SAMTOR: variants seen among roughly 807,000 people sequenced by gnomAD.
SAMTOR encodes UPF0532 protein C7orf60.
the SAMTOR span, among the ~76,000 whole-genome samples, chr7:112,924,387 A>T: frequency 6.6e-6 from 1 of 152,158 alleles, no homozygotes; most frequent in Non-Finnish European, 1.5e-5. Context: ...CTTTCCATTA[A>T]TCCCAGTTAC....
the SAMTOR span, among the ~76,000 whole-genome samples, chr7:112,845,798 G>A: frequency 6.6e-6 from 1 of 152,162 alleles, no homozygotes; most frequent in African/African-American, 2.4e-5. Flanking sequence ...GTTCACTGCA[G>A]CACTATTGAC....
chr7:112,827,956 CCTT>C, the SAMTOR span, among the ~76,000 whole-genome samples: 2 of 152,102 alleles, frequency 1.3e-5, no homozygotes, highest in Admixed American at 1.3e-4. Flanking sequence ...CTCAAGCAGT[CCTT>C]CTGCATTGGC....
chr7:112,853,850 G>C, the SAMTOR span, among the ~76,000 whole-genome samples: 2 of 152,252 alleles, frequency 1.3e-5, no homozygotes, highest in East Asian at 3.9e-4. Flanking sequence ...TGAAATCAAT[G>C]ATCTAGGCCT....
chr7:112,907,898 T>C, the SAMTOR span, among the ~76,000 whole-genome samples: 1 of 151,730 alleles, frequency 6.6e-6, no homozygotes, highest in African/African-American at 2.4e-5. Flanking sequence ...TGCAAAATGA[T>C]ATAACCTCTA....
chr7:112,827,937 G>GA, the SAMTOR span, among the ~76,000 whole-genome samples: 1 of 151,972 alleles, frequency 6.6e-6, no homozygotes, highest in South Asian at 2.1e-4. Context: ...CTGGTCTCAA[G>GA]CTCCTGGGCT....
the SAMTOR span, among the ~76,000 whole-genome samples, chr7:112,862,458 C>A: frequency 6.6e-6 from 1 of 152,170 alleles, no homozygotes; most frequent in Non-Finnish European, 1.5e-5. Context: ...AGAATTTATT[C>A]ATTCACTCAA....
chr7:112,916,776 G>A, the SAMTOR span, among the ~76,000 whole-genome samples: 4 of 152,276 alleles, frequency 2.6e-5, no homozygotes, highest in East Asian at 3.9e-4. Flanking sequence ...GGGAAACGGC[G>A]CAACAGGAGA....
At chr7:112,939,452 C>A in the SAMTOR span, 85 of 1,374,640 alleles carry the variant, frequency 6.2e-5, no homozygotes, top group East Asian at 1.9e-3. Context: ...TCAGACCAGG[C>A]CCGGGAGAGC....
At chr7:112,902,436 A>C in the SAMTOR span, among the ~76,000 whole-genome samples, 167 of 109,884 alleles carry the variant, frequency 1.5e-3, 18 homozygotes, top group African/African-American at 6.0e-3. Context: ...AAACAAAAAA[A>C]AACAAAAAAA....
the SAMTOR span, among the ~76,000 whole-genome samples, chr7:112,916,672 G>A: frequency 6.6e-6 from 1 of 152,186 alleles, no homozygotes; most frequent in Non-Finnish European, 1.5e-5. Context: ...AAGGGGTCAG[G>A]GAGTTCCCTT....
At chr7:112,861,438 G>T in the SAMTOR span, among the ~76,000 whole-genome samples, 1 of 152,084 alleles carries the variant, frequency 6.6e-6, no homozygotes. Flanking sequence ...GCCCAGCCTG[G>T]TCAATACTGT....
chr7:112,886,784 C>T, the SAMTOR span, among the ~76,000 whole-genome samples: 28 of 152,184 alleles, frequency 1.8e-4, no homozygotes, highest in Non-Finnish European at 3.4e-4. Flanking sequence ...TCCCTGCCCC[C>T]ACACAGAGGC....
At chr7:112,879,720 G>C in the SAMTOR span, among the ~76,000 whole-genome samples, 1 of 152,128 alleles carries the variant, frequency 6.6e-6, no homozygotes, top group Non-Finnish European at 1.5e-5. Flanking sequence ...TTTTGATTCT[G>C]AATTTTCAGA....
chr7:112,901,424 C>T, the SAMTOR span, among the ~76,000 whole-genome samples: 1 of 152,170 alleles, frequency 6.6e-6, no homozygotes, highest in South Asian at 2.1e-4. Flanking sequence ...CCCATATAAC[C>T]CCCAGATGGG....
chr7:112,882,653 C>T, the SAMTOR span, among the ~76,000 whole-genome samples: 2 of 151,892 alleles, frequency 1.3e-5, no homozygotes, highest in East Asian at 1.9e-4. Context: ...CAAGCCACTG[C>T]ACTCCAGCCT....
At chr7:112,924,154 T>C in the SAMTOR span, among the ~76,000 whole-genome samples, 9 of 151,762 alleles carry the variant, frequency 5.9e-5, no homozygotes, top group East Asian at 1.8e-3. Flanking sequence ...GTAACTAACC[T>C]GCACATTGTG....
the SAMTOR span, among the ~76,000 whole-genome samples, chr7:112,914,694 TTTA>T: frequency 6.6e-6 from 1 of 152,184 alleles, no homozygotes; most frequent in East Asian, 1.9e-4. Flanking sequence ...TATACCATAA[TTTA>T]TTAATGAGTC....
At chr7:112,915,921 T>C in the SAMTOR span, among the ~76,000 whole-genome samples, 3 of 152,230 alleles carry the variant, frequency 2.0e-5, no homozygotes, top group Non-Finnish European at 4.4e-5. Flanking sequence ...TATTTTCTTG[T>C]GTCTCTATTG....
At chr7:112,939,853 G>C in the SAMTOR span, 1 of 862,602 alleles carries the variant, frequency 1.2e-6, no homozygotes, top group East Asian at 2.6e-5. Context: ...AGCAGCCAGA[G>C]GAGGCAGAGG....
Sources: gnomAD v4.1 joint callset for allele counts (sites outside exome capture counted in the v4.1 genomes callset) on GRCh38, gnomAD v4.1.1 for gene constraint, MANE v1.5 for transcripts, NCBI Gene and HGNC (gene_info 2026-07-23, HGNC 2026-07-21) for gene names.